The following LARGE1 variants were observed in gnomAD, a reference collection of about 807,000 sequenced individuals.
The protein encoded by LARGE1 is xylosyl- and glucuronyltransferase LARGE1.
Under a neutral mutation model 87.6 loss-of-function variants are expected in LARGE1, and 43 were observed. The ratio of observed to expected loss-of-function variants is 0.49; its 90% CI spans 0.38 to 0.63. The LOEUF is 0.63. LARGE1 is among the 30% of genes least tolerant of loss of function. LARGE1 has a pLI of 0.00. For missense variants in LARGE1, 802 were observed against 1,000.2 expected (o/e 0.80, Z 2.67); for synonymous variants, 434 against 394.6 (o/e 1.10, Z -1.18).
chr22:33,300,205 C>T (rs1466018355), intron 12 of LARGE1, among the ~76,000 whole-genome samples: 3 of 152,168 alleles, frequency 2.0e-5, no homozygotes, highest in Non-Finnish European at 2.9e-5. Context: ...TCCTCCTCCT[C>T]TAATGCTAAC....
chr22:33,790,253 G>A (rs143652209), intron 1 of LARGE1, among the ~76,000 whole-genome samples: 2 of 152,208 alleles, frequency 1.3e-5, no homozygotes, highest in Non-Finnish European at 2.9e-5. Context: ...TTCACCTTCT[G>A]CCATGATTGT....
chr22:33,722,566 A>G (rs2083141097), intron 2 of LARGE1, among the ~76,000 whole-genome samples: 1 of 152,208 alleles, frequency 6.6e-6, no homozygotes, highest in Non-Finnish European at 1.5e-5. Context: ...CGAGCTGCAC[A>G]TTATGGGGGA....
chr22:33,851,602 T>A (rs190707919), intron 1 of LARGE1, among the ~76,000 whole-genome samples: 1 of 152,326 alleles, frequency 6.6e-6, no homozygotes, highest in African/African-American at 2.4e-5. Context: ...AACATACCTG[T>A]GGTCAAACAA....
intron 2 of LARGE1, among the ~76,000 whole-genome samples, chr22:33,651,693 T>C (rs2080823477): frequency 6.6e-6 from 1 of 152,204 alleles, no homozygotes; most frequent in South Asian, 2.1e-4. Context: ...GTGGTTAACA[T>C]GTCACAAGGT....
intron 11 of LARGE1, among the ~76,000 whole-genome samples, chr22:33,264,592 G>A (rs1927822068): frequency 1.3e-5 from 2 of 152,184 alleles, no homozygotes; most frequent in African/African-American, 4.8e-5. Flanking sequence ...CCGGGAGGTG[G>A]AGGTTGCAGT....
intron 1 of LARGE1, among the ~76,000 whole-genome samples, chr22:33,896,576 A>T (rs895037396): frequency 6.6e-6 from 1 of 152,186 alleles, no homozygotes; most frequent in Admixed American, 6.5e-5. Flanking sequence ...AAGGTGCCCA[A>T]GTGACTGAGA....
chr22:33,570,115 A>G (rs1441309199), intron 5 of LARGE1, among the ~76,000 whole-genome samples: 1 of 152,160 alleles, frequency 6.6e-6, no homozygotes, highest in East Asian at 1.9e-4. Flanking sequence ...TAACTCACTT[A>G]ACCTCCTTGA....
chr22:33,265,531 C>T (rs1008048244), intron 11 of LARGE1, among the ~76,000 whole-genome samples: 2 of 152,180 alleles, frequency 1.3e-5, no homozygotes, highest in Admixed American at 6.5e-5. Flanking sequence ...CCATGATCCC[C>T]GGCCTGGAGT....
chr22:33,700,858 T>A (rs1165526227), intron 2 of LARGE1, among the ~76,000 whole-genome samples: 1 of 152,046 alleles, frequency 6.6e-6, no homozygotes, highest in African/African-American at 2.4e-5. Context: ...TTTAAGCTTG[T>A]AGGAAAGGTT....
At chr22:33,768,465 C>G (rs938745273) in intron 1 of LARGE1, among the ~76,000 whole-genome samples, 5 of 147,298 alleles carry the variant, frequency 3.4e-5, no homozygotes, top group African/African-American at 7.5e-5. Flanking sequence ...CACACACACA[C>G]AGTCTCCCGC....
chr22:33,131,063 T>G, the LARGE1 span, among the ~76,000 whole-genome samples: 7 of 115,606 alleles, frequency 6.1e-5, no homozygotes, highest in East Asian at 2.7e-4. Context: ...AAAAAAAAAG[T>G]AACTATCGAA....
At chr22:33,157,666 C>T (rs1602025505), downstream of LARGE1, among the ~76,000 whole-genome samples, 2 of 152,274 alleles carry the variant, frequency 1.3e-5, no homozygotes, top group South Asian at 4.1e-4. Flanking sequence ...GAAGGATGAT[C>T]GAACTGACTT....
At chr22:33,605,889 C>G (rs1438109200) in intron 4 of LARGE1, among the ~76,000 whole-genome samples, 1 of 152,150 alleles carries the variant, frequency 6.6e-6, no homozygotes, top group Non-Finnish European at 1.5e-5. Flanking sequence ...GCAGCCAATT[C>G]TGACAGGGTC....
chr22:33,099,266 TTC>T, the LARGE1 span, among the ~76,000 whole-genome samples: 2 of 354 alleles, frequency 5.6e-3, no homozygotes, highest in Non-Finnish European at 9.7e-3. Flanking sequence ...TAATTAATTT[TTC>T]TTGAGAGGGA....
chr22:33,787,113 G>A (rs1261374846), intron 1 of LARGE1, among the ~76,000 whole-genome samples: 4 of 151,826 alleles, frequency 2.6e-5, no homozygotes, highest in Non-Finnish European at 5.9e-5. Context: ...TTCATTCCAC[G>A]TTAAGTGAAT....
At chr22:33,380,501 T>G (rs1435092993) in intron 9 of LARGE1, among the ~76,000 whole-genome samples, 1 of 152,216 alleles carries the variant, frequency 6.6e-6, no homozygotes, top group Non-Finnish European at 1.5e-5. Context: ...ATAATTTATA[T>G]TTATGAAAAT....
chr22:33,831,612 T>G (rs2062971768), intron 1 of LARGE1, among the ~76,000 whole-genome samples: 1 of 152,156 alleles, frequency 6.6e-6, no homozygotes, highest in African/African-American at 2.4e-5. Context: ...GCGATTGGAT[T>G]GGAAAAGTAT....
At chr22:33,512,842 T>A (rs763515031) in intron 6 of LARGE1, among the ~76,000 whole-genome samples, 1 of 152,190 alleles carries the variant, frequency 6.6e-6, no homozygotes, top group Non-Finnish European at 1.5e-5. Context: ...CTTCAGGTAG[T>A]AGGAGATGTA....
intron 7 of LARGE1, among the ~76,000 whole-genome samples, chr22:33,397,422 G>A (rs549504564): frequency 4.6e-5 from 7 of 152,160 alleles, no homozygotes; most frequent in East Asian, 1.9e-4. Context: ...CCCTCATCTC[G>A]CCTTCTTACA....
Sources: gnomAD v4.1 joint callset for allele counts (sites outside exome capture counted in the v4.1 genomes callset) on GRCh38, gnomAD v4.1.1 for gene constraint, MANE v1.5 for transcripts, NCBI Gene and HGNC (gene_info 2026-07-23, HGNC 2026-07-21) for gene names.